ATP6V1H: variants seen among roughly 807,000 people sequenced by gnomAD.
ATP6V1H encodes the protein ATPase H+ transporting V1 subunit H, also known as V-type proton ATPase subunit H.
A neutral mutation model predicts 71.7 loss-of-function variants in ATP6V1H; 39 were observed. That is an observed-to-expected ratio of 0.54 (90% CI 0.42 to 0.71). The LOEUF (loss-of-function observed/expected upper bound fraction) is 0.71, where lower values mean the gene tolerates loss of function less well. Among genes scored for constraint, ATP6V1H ranks in the 30% least tolerant of loss-of-function variants. The pLI is 0.00. For synonymous variants in ATP6V1H, 192 were observed against 199.3 expected, an observed-to-expected ratio of 0.96 and a Z score of 0.31; for missense variants, 509 against 594.9, an observed-to-expected ratio of 0.86 and a Z score of 1.50.
chr8:53,723,386 C>G lies in ATP6V1H; in HGVS notation c.1392-7362G>C, dbSNP rs138887083. ...CACCATGGCTGGATTGGATCTGCAG[C>G]CTCCTTACTGGTCTTTTCCCTCTAG... On this transcript the variant is annotated intron_variant, in intron 13 of 13. Transcript: ENST00000359530. Among the ~76,000 whole-genome samples the G allele has an allele frequency of 3.0e-4, 45 of 152,296 alleles. No homozygotes were observed. In the East Asian group the frequency reaches 7.3e-3, roughly 25 times the overall value.
chr8:53,754,112 A>G (rs1357443306), intron 12 of ATP6V1H, among the ~76,000 whole-genome samples: 1 of 152,242 alleles, frequency 6.6e-6, no homozygotes, highest in Non-Finnish European at 1.5e-5. Context: ...TATGGCAGTA[A>G]GCACATCTGC....
chr8:53,839,415 T>C (rs1239221643), intron 2 of ATP6V1H, among the ~76,000 whole-genome samples: 1 of 152,002 alleles, frequency 6.6e-6, no homozygotes, highest in Non-Finnish European at 1.5e-5. Context: ...CATCAGCAAG[T>C]CTCCCCTCCT....
At chr8:53,728,153 C>G (rs147725143) in intron 13 of ATP6V1H, among the ~76,000 whole-genome samples, 53 of 152,324 alleles carry the variant, frequency 3.5e-4, no homozygotes, top group African/African-American at 1.2e-3. Context: ...GTTCAGTCCT[C>G]TAATTGCTTC....
chr8:53,798,898 T>C (rs926025168), intron 8 of ATP6V1H, among the ~76,000 whole-genome samples: 3 of 152,190 alleles, frequency 2.0e-5, no homozygotes, highest in African/African-American at 7.2e-5. Context: ...ATGGTTAACA[T>C]TGCTGAATGG....
chr8:53,785,018 G>C (rs1359936047), intron 9 of ATP6V1H, among the ~76,000 whole-genome samples: 1 of 152,038 alleles, frequency 6.6e-6, no homozygotes, highest in Non-Finnish European at 1.5e-5. Flanking sequence ...TATGTGTCTT[G>C]GAGTTGCTCT....
Position 53,802,669 on chromosome 8 carries a change from A to G in ATP6V1H, c.580-773T>C, listed in dbSNP as rs560262918. Among the ~76,000 whole-genome samples the G allele has an allele frequency of 2.2e-3, 335 of 152,254 alleles. 2 individuals are homozygous for G. Among genetic ancestry groups the G allele is most frequent in the African/African-American group, 7.8e-3 (324 of 41,542 alleles). On this transcript the variant is annotated intron_variant, in intron 7 of 13. Transcript: ENST00000359530. ...CAGGAGGCAGAGGTTGCAGTGAGCC[A>G]AGATCACACCACTGCACTCCAGCCT...
chr8:53,811,982 G>C (rs906593920), intron 6 of ATP6V1H, among the ~76,000 whole-genome samples: 3 of 152,076 alleles, frequency 2.0e-5, no homozygotes, highest in Non-Finnish European at 2.9e-5. Flanking sequence ...GGTACTTTTT[G>C]TGAGAGAGAA....
chr8:53,745,973 C>G (rs1807587576), intron 12 of ATP6V1H, among the ~76,000 whole-genome samples: 1 of 152,132 alleles, frequency 6.6e-6, no homozygotes, highest in Admixed American at 6.5e-5. Context: ...ATTCTGGAAC[C>G]TGTGAATAAT....
At chr8:53,720,228 T>G (rs1176893107) in intron 13 of ATP6V1H, among the ~76,000 whole-genome samples, 1 of 152,192 alleles carries the variant, frequency 6.6e-6, no homozygotes, top group East Asian at 1.9e-4. Flanking sequence ...CTCTTTAACT[T>G]CATCCACACC....
chr8:53,836,822 C>G (rs958242506), intron 2 of ATP6V1H, among the ~76,000 whole-genome samples: 1 of 152,142 alleles, frequency 6.6e-6, no homozygotes, highest in Non-Finnish European at 1.5e-5. Context: ...CCCATCAGAA[C>G]AGTTATCTAC....
At chr8:53,780,158 CAA>C (rs374742457) in intron 9 of ATP6V1H, among the ~76,000 whole-genome samples, 27 of 62,510 alleles carry the variant, frequency 4.3e-4, no homozygotes, top group Middle Eastern at 0.015. Context: ...GACTCCATCT[CAA>C]AAAAAAAAAA....
intron 12 of ATP6V1H, among the ~76,000 whole-genome samples, chr8:53,753,058 T>C (rs1490809287): frequency 2.7e-5 from 4 of 150,448 alleles, no homozygotes; most frequent in Non-Finnish European, 4.4e-5. Context: ...ACAACAACCC[T>C]ATAACCATGA....
intron 13 of ATP6V1H, among the ~76,000 whole-genome samples, chr8:53,719,491 T>A (rs1481320810): frequency 6.6e-6 from 1 of 152,140 alleles, no homozygotes; most frequent in Non-Finnish European, 1.5e-5. Context: ...CCCCTGAATG[T>A]CGAATGACAT....
At chr8:53,727,972 TAA>T (rs1384077573) in intron 13 of ATP6V1H, among the ~76,000 whole-genome samples, 4 of 152,102 alleles carry the variant, frequency 2.6e-5, no homozygotes, top group Admixed American at 1.3e-4. Context: ...TTTTAATAAC[TAA>T]AAAAACTGGT....
At chr8:53,728,631 C>T (rs1806900451) in intron 13 of ATP6V1H, among the ~76,000 whole-genome samples, 1 of 152,164 alleles carries the variant, frequency 6.6e-6, no homozygotes, top group Non-Finnish European at 1.5e-5. Flanking sequence ...GCAACGCCAT[C>T]CACTCGACGG....
chr8:53,804,861 G>C (rs767225812), intron 7 of ATP6V1H, among the ~76,000 whole-genome samples: 1 of 152,176 alleles, frequency 6.6e-6, no homozygotes, highest in Non-Finnish European at 1.5e-5. Context: ...ACATTTAAGA[G>C]AATGTCATTT....
chr8:53,765,993 T>C (rs1216855222), intron 11 of ATP6V1H, among the ~76,000 whole-genome samples: 2 of 152,128 alleles, frequency 1.3e-5, no homozygotes, highest in Admixed American at 6.5e-5. Context: ...CACACAAATA[T>C]AGTCAACTGA....
chr8:53,747,249 C>T (rs779604451), intron 12 of ATP6V1H, among the ~76,000 whole-genome samples: 12 of 152,118 alleles, frequency 7.9e-5, no homozygotes, highest in Non-Finnish European at 1.6e-4. Context: ...TGATTCCACT[C>T]ATATTGCTAA....
At chr8:53,833,447 C>G (rs1294575386) in intron 2 of ATP6V1H, among the ~76,000 whole-genome samples, 1 of 152,100 alleles carries the variant, frequency 6.6e-6, no homozygotes, top group African/African-American at 2.4e-5. Context: ...CTTATTCCCC[C>G]TCTCAAGCCA....
Sources: gnomAD v4.1 joint callset for allele counts (sites outside exome capture counted in the v4.1 genomes callset) on GRCh38, gnomAD v4.1.1 for gene constraint, MANE v1.5 for transcripts, NCBI Gene and HGNC (gene_info 2026-07-23, HGNC 2026-07-21) for gene names.